The following ROS1 variants were observed in gnomAD, a reference collection of about 807,000 sequenced individuals.
ROS1 encodes ROS proto-oncogene 1, receptor tyrosine kinase.
ROS1 carries 263 observed loss-of-function variants against 273.5 expected under a neutral mutation model. That is an observed-to-expected ratio of 0.96 (90% CI 0.87 to 1.06). The LOEUF (loss-of-function observed/expected upper bound fraction) is 1.06, where lower values mean the gene tolerates loss of function less well. ROS1 is among the 50% of genes least tolerant of loss of function. The pLI is 0.00. For missense variants in ROS1, 2,833 were observed against 2,751.1 expected, an observed-to-expected ratio of 1.03 and a Z score of -0.67; for synonymous variants, 1,008 against 954.1, an observed-to-expected ratio of 1.06 and a Z score of -1.04.
Position 117,385,711 on chromosome 6 carries a change from A to C in ROS1, c.2261T>G (p.Phe754Cys). 6.2e-7 allele frequency: 1 copy of C among 1,614,148 alleles called. No homozygotes were observed. The change falls in exon 16 of 44, where the codon TTT becomes TGT. Residue 754 changes from phenylalanine (F) to cysteine (C), a missense_variant. By Grantham distance (205) the Phe-to-Cys change is radical. Transcript: ENST00000368507. The part of the protein sequence containing the change: ...GALAFEWLGH[F>C]LYWAGKTYVI... ...ATATGTCTTTCCAGCCCAGTAGAGA[A>C]AGTGACCCAGCCACTCAAAAGCTAA...
At chr6:117,385,225 T>A (rs1772463749) in intron 16 of ROS1, among the ~76,000 whole-genome samples, 1 of 152,308 alleles carries the variant, frequency 6.6e-6, no homozygotes, top group African/African-American at 2.4e-5. Context: ...CAACAAATAG[T>A]GATAACAAAT....
chr6:117,363,375 C>T (rs533248260), intron 21 of ROS1, among the ~76,000 whole-genome samples: 14 of 152,230 alleles, frequency 9.2e-5, no homozygotes, highest in Non-Finnish European at 1.8e-4. Flanking sequence ...GGAGGCTGAT[C>T]GTACCCCAAG....
chr6:117,353,274 C>T, intron 26 of ROS1, 108 bp from the exon 27 acceptor site: 1 of 740,992 alleles, frequency 1.3e-6, no homozygotes, highest in Non-Finnish European at 2.1e-6. Context: ...AATTTTGAAT[C>T]TATTATTTCA....
At chr6:117,398,281 AAAC>A (rs148062936) in intron 7 of ROS1, among the ~76,000 whole-genome samples, 33,868 of 151,640 alleles carry the variant, frequency 0.22, 5,361 homozygotes, top group African/African-American at 0.46. Flanking sequence ...ACCGAAAAAA[AAAC>A]AACAACACAA....
chr6:117,348,556 A>C (rs1349746477), intron 27 of ROS1, among the ~76,000 whole-genome samples: 1 of 151,454 alleles, frequency 6.6e-6, no homozygotes, highest in Non-Finnish European at 1.5e-5. Flanking sequence ...ATTTTTCTCT[A>C]TTGATTTCCT....
intron 21 of ROS1, 52 bp downstream of exon 21, chr6:117,365,008 A>G: frequency 6.4e-7 from 1 of 1,557,134 alleles, no homozygotes; most frequent in Non-Finnish European, 8.8e-7. Flanking sequence ...CCAGATCATG[A>G]AAAGTGAGAT....
rs886792888 is a variant in ROS1 at position 117,396,356 on chromosome 6, A to G, written c.807-92T>C. 11 of 905,214 alleles carry G rather than the reference A, an allele frequency of 1.2e-5. No individual in the cohort carries two copies. In the African/African-American group the frequency reaches 1.8e-4, roughly 15 times the overall value. 56.1% of individuals were successfully genotyped at this position (905,214 alleles called of 1,614,324 possible). The stretch of plus-strand genomic sequence containing the variant: ...AAGGAGCAATAACATTTCTATTTAA[A>G]GGGTGATGTGGCAATGCATGAGTCT... On this transcript the variant is annotated intron_variant, in intron 8 of 43. Transcript: ENST00000368507.
intron 18 of ROS1, 51 bp from the exon 19 acceptor site, chr6:117,366,341 C>A (rs1332047534): frequency 1.5e-6 from 2 of 1,327,476 alleles, no homozygotes; most frequent in Non-Finnish European, 2.2e-6. Flanking sequence ...GGTGGAAGGG[C>A]TGGTCCATGC....
intron 7 of ROS1, among the ~76,000 whole-genome samples, chr6:117,400,787 AC>A (rs1227192251): frequency 1.3e-5 from 2 of 151,954 alleles, no homozygotes; most frequent in Non-Finnish European, 2.9e-5. Flanking sequence ...TTTTTCAACC[AC>A]ATTCACTTTC....
chr6:117,404,513 C>T (rs1774239992), intron 5 of ROS1, 85 bp from the exon 6 acceptor site: 4 of 1,259,104 alleles, frequency 3.2e-6, no homozygotes, highest in South Asian at 3.1e-5. Flanking sequence ...TAGGGCTCTC[C>T]GTATTCTCTT....
At chr6:117,363,269 CCACCAGCCTT>C (rs1238661945) in intron 21 of ROS1, among the ~76,000 whole-genome samples, 64 of 152,248 alleles carry the variant, frequency 4.2e-4, no homozygotes, top group Admixed American at 3.9e-3. Flanking sequence ...GCAGTAAGTC[CCACCAGCCTT>C]CAGCCAGTTC....
chr6:117,329,517 C>A (rs2128593886), intron 32 of ROS1, 71 bp from the exon 33 acceptor site: 1 of 770,628 alleles, frequency 1.3e-6, no homozygotes, highest in Non-Finnish European at 2.2e-6. Flanking sequence ...AATCTTTCTA[C>A]AGAATATATT....
At chr6:117,319,443 T>C (rs1372648676) in intron 37 of ROS1, among the ~76,000 whole-genome samples, 1 of 152,178 alleles carries the variant, frequency 6.6e-6, no homozygotes, top group East Asian at 1.9e-4. Flanking sequence ...ACAGCCACAC[T>C]CATTTATTTA....
rs1240551339 is a variant in ROS1 at position 117,305,826 on chromosome 6, T to C, written c.6551+2968A>G. On this transcript the variant is annotated intron_variant, in intron 42 of 43. Transcript: ENST00000368507. Reference sequence around the variant, plus strand: ...TCACCATTCTATATCATGCAGTGTATACTCGCACCAAGTTATAGTTACAAA... The same window carrying C: ...TCACCATTCTATATCATGCAGTGTACACTCGCACCAAGTTATAGTTACAAA... Among the ~76,000 whole-genome samples the C allele has an allele frequency of 2.6e-5, 4 of 152,204 alleles. No homozygotes were observed. In the East Asian group the frequency reaches 7.7e-4, roughly 29 times the overall value.
intron 2 of ROS1, among the ~76,000 whole-genome samples, chr6:117,418,093 G>T (rs1259394192): frequency 6.6e-6 from 1 of 152,182 alleles, no homozygotes; most frequent in Non-Finnish European, 1.5e-5. Context: ...CTAAACACTT[G>T]TTAAACAAAT....
At position 117,365,067 on chromosome 6, in the gene ROS1, A is replaced by G. The variant is rs2128658999; in HGVS notation, c.3096T>C (p.Pro1032=). The stretch of plus-strand genomic sequence containing the variant: ...AGATTTTAACCCCTGTACCTGTTTC[A>G]GGTGCTCGAAGTGACAGAGATGTTT... ...GPKTSLSLRA[P]ETVPSAPENP... The change falls in exon 21 of 44, where the codon CCT becomes CCC. Residue 1032 remains proline, a synonymous_variant. Transcript: ENST00000368507. The G allele has an allele frequency of 6.2e-7, 1 of 1,613,454 alleles. No homozygotes were observed. The highest frequency in any genetic ancestry group is 8.5e-7 in the Non-Finnish European group (1 of 1,179,742).
intron 5 of ROS1, among the ~76,000 whole-genome samples, chr6:117,409,142 C>G (rs1467414912): frequency 6.6e-6 from 1 of 151,490 alleles, no homozygotes; most frequent in Non-Finnish European, 1.5e-5. Context: ...TGCAGCACAC[C>G]AACATGGCAC....
chr6:117,407,069 GA>G (rs3839367), intron 5 of ROS1, among the ~76,000 whole-genome samples: 81,457 of 149,640 alleles, frequency 0.54, 22,725 homozygotes, highest in African/African-American at 0.68. Context: ...CCGTGACACA[GA>G]AAAAAAAAAA....
rs1691833635 is a variant in ROS1 at position 117,397,066 on chromosome 6, T to C, written c.655A>G (p.Thr219Ala). The change falls in exon 8 of 44, where the codon ACT becomes GCT. Residue 219 changes from threonine (T) to alanine (A), a missense_variant. Thr to Ala is a moderately conservative substitution (Grantham distance 58, BLOSUM62 0). Coordinates refer to ENST00000368507, the MANE Select transcript of ROS1 (RefSeq NM_001378902.1). ...IRNIESSSPD[T>A]VEVSWDPPQF... ...GGTGGATCCCAGCTGACTTCCACAG[T>C]GTCGGGACTTGAGCTCTCAATATTC... The C allele has an allele frequency of 5.6e-6, 9 of 1,614,014 alleles. No individual in the cohort carries two copies. In the East Asian group the frequency reaches 1.8e-4, roughly 32 times the overall value.
Sources: gnomAD v4.1 joint callset for allele counts (sites outside exome capture counted in the v4.1 genomes callset) on GRCh38, gnomAD v4.1.1 for gene constraint, MANE v1.5 for transcripts, NCBI Gene and HGNC (gene_info 2026-07-23, HGNC 2026-07-21) for gene names.